The following B4GALT6 variants were observed in gnomAD, a reference collection of about 807,000 sequenced individuals.
B4GALT6 encodes UDP-Gal:beta-GlcNAc beta-1,4-galactosyltransferase 6.
A neutral mutation model predicts 46.3 loss-of-function variants in B4GALT6; 14 were observed. The ratio of observed to expected loss-of-function variants is 0.30; its 90% confidence interval spans 0.20 to 0.47. B4GALT6 has a LOEUF of 0.47. Ranked by LOEUF, B4GALT6 falls within the 20% of genes least tolerant of loss-of-function variation. B4GALT6 has a pLI of 0.99. For missense variants in B4GALT6, 386 were observed against 480.1 expected (o/e 0.80, Z 1.83); for synonymous variants, 168 against 162.0 (o/e 1.04, Z -0.28).
chr18:31,646,156 C>T (rs912914348), intron 3 of B4GALT6, among the ~76,000 whole-genome samples: 40 of 152,254 alleles, frequency 2.6e-4, no homozygotes, highest in African/African-American at 9.2e-4. Flanking sequence ...ATTCAAAGTA[C>T]TGATTCTGAG....
chr18:31,710,383 A>G, the B4GALT6 span, among the ~76,000 whole-genome samples: 1 of 152,034 alleles, frequency 6.6e-6, no homozygotes, highest in South Asian at 2.1e-4. Flanking sequence ...CCAAAAAAAT[A>G]TGTTTACCGG....
At chr18:31,670,430 T>TGAAC (rs386387325) in intron 1 of B4GALT6, among the ~76,000 whole-genome samples, 11 of 151,938 alleles carry the variant, frequency 7.2e-5, no homozygotes, top group Non-Finnish European at 1.2e-4. Flanking sequence ...ATTCATTAGA[T>TGAAC]GAAGACCAAA....
At chr18:31,668,156 GCAA>G (rs1434218544) in intron 1 of B4GALT6, among the ~76,000 whole-genome samples, 1 of 151,548 alleles carries the variant, frequency 6.6e-6, no homozygotes, top group Non-Finnish European at 1.5e-5. Flanking sequence ...CATATGCTTT[GCAA>G]CAACATGGAT....
intron 5 of B4GALT6, among the ~76,000 whole-genome samples, chr18:31,632,424 C>T (rs759445403): frequency 6.6e-6 from 1 of 152,136 alleles, no homozygotes; most frequent in Non-Finnish European, 1.5e-5. Flanking sequence ...ACATAATACT[C>T]AAAGGCTTAT....
intron 1 of B4GALT6, 38 bp from the exon 2 acceptor site, chr18:31,666,410 G>T: frequency 9.9e-7 from 1 of 1,005,874 alleles, no homozygotes. Context: ...TCATAACACA[G>T]TAAGCTTTTT....
chr18:31,716,619 C>G, the B4GALT6 span, among the ~76,000 whole-genome samples: 255 of 152,266 alleles, frequency 1.7e-3, 2 homozygotes, highest in African/African-American at 6.0e-3. Flanking sequence ...GTCCAGAGGG[C>G]AGATAACTAA....
intron 4 of B4GALT6, 91 bp downstream of exon 4, chr18:31,645,264 A>G (rs1376677192): frequency 1.3e-6 from 2 of 1,522,894 alleles, no homozygotes; most frequent in East Asian, 4.5e-5. Flanking sequence ...TCAAGACTTA[A>G]AGACATTTGT....
At chr18:31,627,584 T>C (rs1222263366) in intron 6 of B4GALT6, among the ~76,000 whole-genome samples, 3 of 152,236 alleles carry the variant, frequency 2.0e-5, no homozygotes, top group African/African-American at 4.8e-5. Flanking sequence ...AATTCTAGCA[T>C]TTAATTGTCT....
At chr18:31,656,681 A>C (rs1431114226) in intron 3 of B4GALT6, among the ~76,000 whole-genome samples, 1 of 152,174 alleles carries the variant, frequency 6.6e-6, no homozygotes, top group African/African-American at 2.4e-5. Context: ...AAAACACCTA[A>C]GTAAAGTTAT....
At chr18:31,626,708 T>C (rs1427822255) in intron 7 of B4GALT6, among the ~76,000 whole-genome samples, 2 of 152,142 alleles carry the variant, frequency 1.3e-5, no homozygotes, top group Non-Finnish European at 2.9e-5. Flanking sequence ...TGATCTGAGG[T>C]GGAATGGTTT....
chr18:31,659,291 T>C (rs1459260560), intron 2 of B4GALT6, among the ~76,000 whole-genome samples: 1 of 152,198 alleles, frequency 6.6e-6, no homozygotes, highest in African/African-American at 2.4e-5. Context: ...ATAGGAAGTA[T>C]GTGAGAGGAG....
At chr18:31,648,946 C>T (rs545787918) in intron 3 of B4GALT6, among the ~76,000 whole-genome samples, 1 of 152,060 alleles carries the variant, frequency 6.6e-6, no homozygotes, top group Non-Finnish European at 1.5e-5. Context: ...GTCTGTTTTA[C>T]CCTCAGGGTT....
At chr18:31,722,973 A>T in the B4GALT6 span, among the ~76,000 whole-genome samples, 1 of 152,212 alleles carries the variant, frequency 6.6e-6, no homozygotes, top group South Asian at 2.1e-4. Context: ...CATACTAATC[A>T]TGAGGTTGGA....
At chr18:31,710,565 C>T in the B4GALT6 span, among the ~76,000 whole-genome samples, 1 of 152,030 alleles carries the variant, frequency 6.6e-6, no homozygotes. Context: ...CAAGGACTGC[C>T]AACAGCCACA....
In B4GALT6 at chr18:31,657,899, G is replaced by T. The variant is rs114250868; in HGVS notation, c.346+77C>A. ...CAGGTGCACATGACCTGCTCCTGCT[G>T]CACTCAAATCATGTGGTTTTTATGA... On this transcript the variant is annotated intron_variant, in intron 3 of 8. Transcript: ENST00000306851. The T allele has an allele frequency of 1.3e-3, 1,482 of 1,116,602 alleles. 15 individuals are homozygous for T. In the African/African-American group the frequency reaches 0.02, roughly 15 times the overall value. 69.2% of individuals were successfully genotyped at this position (1,116,602 alleles called of 1,614,324 possible). A position where few individuals can be genotyped will look rare whatever the true frequency, so the allele number is the denominator to read the frequency against.
chr18:31,624,242 C>A lies in B4GALT6; in HGVS notation c.*1372G>T, dbSNP rs1291261168. The A allele has an allele frequency of 6.6e-6, 1 of 151,902 alleles. No individual in the cohort carries two copies. The highest frequency in any genetic ancestry group is 1.5e-5 in the Non-Finnish European group (1 of 67,876). 9.4% of individuals were successfully genotyped at this position (151,902 alleles called of 1,614,324 possible). A position where few individuals can be genotyped will look rare whatever the true frequency, so the allele number is the denominator to read the frequency against. On this transcript the variant is annotated 3_prime_UTR_variant, in exon 9 of 9. Transcript: ENST00000306851. ...TATGGCATCAGTGCACCAAATAACT[C>A]ATCACGTATTTTAAGACAATGCTAT... is the stretch of plus-strand genomic sequence containing the variant.
At chr18:31,655,267 T>G (rs1304806930) in intron 3 of B4GALT6, among the ~76,000 whole-genome samples, 1 of 152,198 alleles carries the variant, frequency 6.6e-6, no homozygotes. Context: ...TGGCTGTATT[T>G]TCTACCAAAT....
the B4GALT6 span, among the ~76,000 whole-genome samples, chr18:31,719,915 G>T: frequency 1.3e-5 from 2 of 152,176 alleles, no homozygotes; most frequent in Admixed American, 6.5e-5. Context: ...CAGTAGTGAT[G>T]TTATCTCCAG....
At chr18:31,627,944 C>T (rs1398288787) in intron 6 of B4GALT6, among the ~76,000 whole-genome samples, 1 of 152,154 alleles carries the variant, frequency 6.6e-6, no homozygotes, top group Admixed American at 6.6e-5. Flanking sequence ...GAAAACGTGA[C>T]CATGCACAGC....
Sources: allele counts gnomAD v4.1 joint callset (sites outside exome capture counted in the v4.1 genomes callset), GRCh38; gene constraint gnomAD v4.1.1; transcripts MANE v1.5; gene names NCBI Gene and HGNC (gene_info 2026-07-23, HGNC 2026-07-21).